IGBP1C: variants seen among roughly 807,000 people sequenced by gnomAD.
IGBP1C encodes IGBP1 family member C, also known as immunoglobulin-binding protein 1 family member C.
the IGBP1C span, chr17:58,691,834 C>A: frequency 6.6e-6 from 1 of 152,200 alleles, no homozygotes; most frequent in Non-Finnish European, 1.5e-5. Flanking sequence ...TGCTTGAACA[C>A]CCCTTCCCAA....
the IGBP1C span, among the ~76,000 whole-genome samples, chr17:58,667,817 G>A: frequency 2.6e-5 from 4 of 151,220 alleles, no homozygotes; most frequent in Non-Finnish European, 4.4e-5. Flanking sequence ...CCCGGGAGGC[G>A]AAGGTTGCAG....
At chr17:58,679,623 A>C in the IGBP1C span, 1 of 152,222 alleles carries the variant, frequency 6.6e-6, no homozygotes, top group African/African-American at 2.4e-5. Context: ...TCCACAATGC[A>C]AGAGACAAAC....
At chr17:58,664,763 T>C in the IGBP1C span, among the ~76,000 whole-genome samples, 3 of 152,254 alleles carry the variant, frequency 2.0e-5, no homozygotes, top group African/African-American at 7.2e-5. Context: ...TATGACTGCA[T>C]TGATTAAAAG....
At chr17:58,673,520 T>TA in the IGBP1C span, among the ~76,000 whole-genome samples, 1 of 151,500 alleles carries the variant, frequency 6.6e-6, no homozygotes, top group African/African-American at 2.4e-5. Flanking sequence ...AATAAATAAA[T>TA]AATTGTATTG....
chr17:58,669,300 C>T, the IGBP1C span, among the ~76,000 whole-genome samples: 8 of 148,044 alleles, frequency 5.4e-5, no homozygotes, highest in South Asian at 6.5e-4. Flanking sequence ...TGCAGTGAGC[C>T]GAGATCATGC....
the IGBP1C span, among the ~76,000 whole-genome samples, chr17:58,689,612 T>C: frequency 3.3e-5 from 5 of 152,194 alleles, no homozygotes; most frequent in Non-Finnish European, 5.9e-5. Context: ...ATATAAACCA[T>C]TTCAAATGAC....
the IGBP1C span, among the ~76,000 whole-genome samples, chr17:58,675,985 A>G: frequency 6.6e-6 from 1 of 152,168 alleles, no homozygotes. Context: ...ACACATGTAT[A>G]TCCCAGCACG....
At chr17:58,685,932 T>C in the IGBP1C span, among the ~76,000 whole-genome samples, 2 of 140,046 alleles carry the variant, frequency 1.4e-5, no homozygotes, top group African/African-American at 5.4e-5. Flanking sequence ...GAGGTGGAGG[T>C]TGCAGTGAGC....
At chr17:58,667,136 G>T in the IGBP1C span, among the ~76,000 whole-genome samples, 1 of 152,158 alleles carries the variant, frequency 6.6e-6, no homozygotes, top group African/African-American at 2.4e-5. Context: ...AGACGTGAAT[G>T]AACTTTTAGT....
chr17:58,665,549 T>G, the IGBP1C span, among the ~76,000 whole-genome samples: 1 of 151,604 alleles, frequency 6.6e-6, no homozygotes, highest in South Asian at 2.1e-4. Flanking sequence ...TGAGCCGAGA[T>G]CGCGCCACTG....
At chr17:58,666,458 C>CAA in the IGBP1C span, 40 of 36,832 alleles carry the variant, frequency 1.1e-3, 2 homozygotes, top group African/African-American at 4.1e-3. Flanking sequence ...CCTTCCACGG[C>CAA]AAAAAAAAAA....
chr17:58,690,919 T>C, the IGBP1C span, among the ~76,000 whole-genome samples: 6 of 152,150 alleles, frequency 3.9e-5, no homozygotes, highest in African/African-American at 1.4e-4. Flanking sequence ...CAAGCTGGAG[T>C]GCAGTGGCGT....
the IGBP1C span, chr17:58,679,600 A>AG: frequency 1.3e-5 from 2 of 152,266 alleles, no homozygotes; most frequent in East Asian, 3.8e-4. Flanking sequence ...AGAAAACCAC[A>AG]GGGGTCAGCA....
the IGBP1C span, among the ~76,000 whole-genome samples, chr17:58,672,965 C>G: frequency 6.6e-6 from 1 of 151,854 alleles, no homozygotes; most frequent in African/African-American, 2.4e-5. Flanking sequence ...CTCCTGACCT[C>G]AAGTGATCTG....
At chr17:58,678,788 C>T in the IGBP1C span, among the ~76,000 whole-genome samples, 2 of 148,920 alleles carry the variant, frequency 1.3e-5, no homozygotes, top group Non-Finnish European at 1.5e-5. Context: ...CAAACCTGCA[C>T]GTTGTGCACA....
chr17:58,682,656 G>A, the IGBP1C span, among the ~76,000 whole-genome samples: 2 of 151,358 alleles, frequency 1.3e-5, no homozygotes, highest in Non-Finnish European at 2.9e-5. Context: ...TTATAGGCGT[G>A]AGCCACCATG....
At chr17:58,676,993 C>A in the IGBP1C span, among the ~76,000 whole-genome samples, 7 of 149,904 alleles carry the variant, frequency 4.7e-5, no homozygotes, top group Non-Finnish European at 7.4e-5. Context: ...GTGGCGGGTG[C>A]CTGTAATCCC....
At chr17:58,686,165 G>A in the IGBP1C span, among the ~76,000 whole-genome samples, 1 of 152,126 alleles carries the variant, frequency 6.6e-6, no homozygotes, top group African/African-American at 2.4e-5. Flanking sequence ...GCAACACCTT[G>A]TCTTTACAAA....
the IGBP1C span, among the ~76,000 whole-genome samples, chr17:58,672,064 C>G: frequency 6.6e-6 from 1 of 152,172 alleles, no homozygotes; most frequent in Admixed American, 6.5e-5. Context: ...TCCACCTCAG[C>G]TCATCAGGCA....
Sources: allele counts gnomAD v4.1 joint callset (sites outside exome capture counted in the v4.1 genomes callset), GRCh38; gene constraint gnomAD v4.1.1; transcripts MANE v1.5; gene names NCBI Gene and HGNC (gene_info 2026-07-23, HGNC 2026-07-21).